CSTPP1: variants seen among roughly 807,000 people sequenced by gnomAD.
The protein encoded by CSTPP1 is UPF0705 protein C11orf49.
the CSTPP1 span, among the ~76,000 whole-genome samples, chr11:46,971,611 T>C: frequency 1.2e-4 from 18 of 152,322 alleles, no homozygotes; most frequent in African/African-American, 4.3e-4. Context: ...ATTTAAGCAA[T>C]ATTTTAAAAT....
At chr11:47,103,661 T>G in the CSTPP1 span, 1 of 143,576 alleles carries the variant, frequency 7.0e-6, no homozygotes, top group Non-Finnish European at 1.5e-5. Flanking sequence ...CCTGAAACAA[T>G]AGAATGGCCT....
chr11:47,026,651 G>C, the CSTPP1 span, among the ~76,000 whole-genome samples: 1 of 152,158 alleles, frequency 6.6e-6, no homozygotes, highest in Non-Finnish European at 1.5e-5. Context: ...GCCGAGGTGG[G>C]TGGATCACTT....
At chr11:46,999,030 G>A in the CSTPP1 span, among the ~76,000 whole-genome samples, 1 of 151,874 alleles carries the variant, frequency 6.6e-6, no homozygotes, top group Non-Finnish European at 1.5e-5. Flanking sequence ...GTGAGCCACC[G>A]CGCCTGGCCT....
At chr11:46,991,387 A>C in the CSTPP1 span, among the ~76,000 whole-genome samples, 2 of 152,294 alleles carry the variant, frequency 1.3e-5, no homozygotes, top group African/African-American at 4.8e-5. Context: ...TTGGAAAAAG[A>C]AGCTTTCTGG....
chr11:47,044,056 G>A, the CSTPP1 span, among the ~76,000 whole-genome samples: 2 of 151,346 alleles, frequency 1.3e-5, no homozygotes, highest in Middle Eastern at 3.4e-3. Context: ...GCGTGATCTC[G>A]GCTCACTGCA....
the CSTPP1 span, chr11:47,052,683 AT>A: frequency 1.1e-6 from 1 of 898,350 alleles, no homozygotes; most frequent in Non-Finnish European, 1.6e-6. Flanking sequence ...TATTCAAGGC[AT>A]TTAGAATACC....
At chr11:46,978,786 A>G in the CSTPP1 span, among the ~76,000 whole-genome samples, 1 of 152,174 alleles carries the variant, frequency 6.6e-6, no homozygotes, top group South Asian at 2.1e-4. Context: ...AAGAATCCCC[A>G]CCTTCGTGCA....
At chr11:46,969,539 C>CA in the CSTPP1 span, among the ~76,000 whole-genome samples, 1 of 151,984 alleles carries the variant, frequency 6.6e-6, no homozygotes, top group Non-Finnish European at 1.5e-5. Context: ...ATATGTTTAC[C>CA]AAAAAACTCA....
chr11:47,134,999 C>T, the CSTPP1 span, among the ~76,000 whole-genome samples: 1 of 151,990 alleles, frequency 6.6e-6, no homozygotes, highest in South Asian at 2.1e-4. Context: ...GTCCCAGCTA[C>T]TTGGGAGGCT....
At chr11:47,164,251 G>C in the CSTPP1 span, 1 of 1,612,248 alleles carries the variant, frequency 6.2e-7, no homozygotes. Context: ...CCCAGAGAGT[G>C]AGGCCAGGGG....
chr11:47,025,179 CAGTAGCTTTAGAAGGTAA>C, the CSTPP1 span, among the ~76,000 whole-genome samples: 1 of 152,188 alleles, frequency 6.6e-6, no homozygotes, highest in East Asian at 1.9e-4. Context: ...ATGGATTTAC[CAGTAGCTTTAGAAGGTAA>C]ATATACATGA....
the CSTPP1 span, among the ~76,000 whole-genome samples, chr11:47,077,482 G>C: frequency 6.5e-4 from 99 of 152,266 alleles, no homozygotes; most frequent in African/African-American, 2.2e-3. Context: ...TTACAGGTGT[G>C]AGCCACTACA....
the CSTPP1 span, among the ~76,000 whole-genome samples, chr11:47,058,837 C>T: frequency 1.3e-5 from 2 of 152,166 alleles, no homozygotes; most frequent in East Asian, 3.9e-4. Flanking sequence ...GCGTGTTATG[C>T]ATCAACACTG....
At chr11:47,124,055 C>T in the CSTPP1 span, among the ~76,000 whole-genome samples, 6 of 150,200 alleles carry the variant, frequency 4.0e-5, no homozygotes, top group East Asian at 2.0e-4. Context: ...CAAAAGCAAC[C>T]GTCACAATTA....
chr11:47,071,305 G>A, the CSTPP1 span, among the ~76,000 whole-genome samples: 1 of 152,242 alleles, frequency 6.6e-6, no homozygotes, highest in East Asian at 1.9e-4. Flanking sequence ...GAGTCAAATG[G>A]CCCTAGGTTC....
At chr11:47,155,051 C>A in the CSTPP1 span, 5 of 815,208 alleles carry the variant, frequency 6.1e-6, no homozygotes, top group African/African-American at 1.7e-5. Context: ...GGGAGACTGG[C>A]GGCCCAGGAA....
At chr11:47,130,693 C>G in the CSTPP1 span, 2 of 152,252 alleles carry the variant, frequency 1.3e-5, no homozygotes, top group Admixed American at 6.5e-5. Flanking sequence ...CAGAGTAGCA[C>G]TGAGAAGTAT....
the CSTPP1 span, chr11:47,155,074 T>TCC: frequency 1.1e-6 from 1 of 943,030 alleles, no homozygotes; most frequent in East Asian, 2.4e-5. Flanking sequence ...GCTCTCTCTC[T>TCC]CCCTCTCCCC....
At chr11:46,983,690 G>T in the CSTPP1 span, among the ~76,000 whole-genome samples, 1 of 152,102 alleles carries the variant, frequency 6.6e-6, no homozygotes, top group Non-Finnish European at 1.5e-5. Context: ...TGCCAGGCAA[G>T]AGCTTTGAAC....
Sources: gnomAD v4.1 joint callset for allele counts (sites outside exome capture counted in the v4.1 genomes callset) on GRCh38, gnomAD v4.1.1 for gene constraint, MANE v1.5 for transcripts, NCBI Gene and HGNC (gene_info 2026-07-23, HGNC 2026-07-21) for gene names.